NRXN1: variants seen among roughly 807,000 people sequenced by gnomAD.
The protein encoded by NRXN1 is neurexin-1.
A neutral mutation model predicts 150.9 loss-of-function variants in NRXN1; 39 were observed. The ratio of observed to expected loss-of-function variants is 0.26; its 90% CI spans 0.20 to 0.34. The LOEUF (loss-of-function observed/expected upper bound fraction) is 0.34. NRXN1 is among the 10% of genes least tolerant of loss of function. The pLI, the probability that NRXN1 is intolerant of heterozygous loss-of-function variation, is 1.00. For missense variants in NRXN1, 1,815 were observed against 1,949.9 expected (o/e 0.93, Z 1.30); for synonymous variants, 924 against 757.0 (o/e 1.22, Z -3.62).
In NRXN1 at chr2:50,552,577, A is replaced by C; in HGVS notation, c.1759+10T>G. 3 of 1,601,104 alleles carry C rather than the reference A, an allele frequency of 1.9e-6. No homozygotes were observed. The highest frequency in any genetic ancestry group is 2.6e-6 in the Non-Finnish European group (3 of 1,169,796). On this transcript the variant is annotated intron_variant, in intron 9 of 22. Coordinates refer to ENST00000401669, the MANE Select transcript of NRXN1 (RefSeq NM_001330078.2). ...AGCAGATAAACAGCATAGAAAAATGATAAGATTACCTGACCGTCCGTCTCT... is the reference window on the plus strand; with the variant it reads ...AGCAGATAAACAGCATAGAAAAATGCTAAGATTACCTGACCGTCCGTCTCT...
chr2:50,515,323 G>T (rs2092596945), intron 12 of NRXN1, among the ~76,000 whole-genome samples: 1 of 152,082 alleles, frequency 6.6e-6, no homozygotes, highest in Non-Finnish European at 1.5e-5. Context: ...TCTACCTTAT[G>T]GTGAGATGTA....
Position 50,347,867 on chromosome 2 carries a change from C to T in NRXN1, c.3365-110897G>A. 1.2e-5 allele frequency: 12 copies of T among 984,892 alleles called. No homozygotes were observed. Among genetic ancestry groups the T allele is most frequent in the Non-Finnish European group, 1.4e-5 (12 of 829,480 alleles). 61.0% of individuals were successfully genotyped at this position (984,892 alleles called of 1,614,324 possible). A position where few individuals can be genotyped will look rare whatever the true frequency, so the allele number is the denominator to read the frequency against. ...CAATGCAGAGGACGAGCCTATGTAA[C>T]GAGGGAGGCTGGTCTAGCTTCCCAC... On this transcript the variant is annotated intron_variant, in intron 17 of 22. Transcript: ENST00000401669. The surrounding 1 kb of genome is among the most constrained non-coding windows in gnomAD (Gnocchi z 4.9).
At chr2:50,846,085 C>CAGG (rs1232008571) in intron 5 of NRXN1, among the ~76,000 whole-genome samples, 2 of 152,160 alleles carry the variant, frequency 1.3e-5, no homozygotes, top group African/African-American at 4.8e-5. Flanking sequence ...GAGTAAAAGG[C>CAGG]AGGAGTAGAG....
chr2:50,101,578 A>G (rs1005657353), intron 18 of NRXN1, among the ~76,000 whole-genome samples: 9 of 152,050 alleles, frequency 5.9e-5, no homozygotes, highest in African/African-American at 2.2e-4. Flanking sequence ...TCTGCATGGC[A>G]AATGTAACCT....
chr2:50,075,171 C>G (rs1180842031), intron 19 of NRXN1, among the ~76,000 whole-genome samples: 1 of 152,186 alleles, frequency 6.6e-6, no homozygotes, highest in African/African-American at 2.4e-5. Flanking sequence ...TCTGACCTCA[C>G]AGAAGGACTT....
intron 8 of NRXN1, among the ~76,000 whole-genome samples, chr2:50,611,806 G>A (rs1461968893): frequency 6.6e-6 from 1 of 152,072 alleles, no homozygotes; most frequent in Non-Finnish European, 1.5e-5. Context: ...GGTTCACAGA[G>A]GTAACAGCTC....
At chr2:49,950,768 T>TA (rs965902638) in intron 21 of NRXN1, among the ~76,000 whole-genome samples, 11 of 151,692 alleles carry the variant, frequency 7.3e-5, no homozygotes, top group African/African-American at 2.4e-4. Context: ...AAGTGTCTGC[T>TA]AAAAAAAATA....
At chr2:50,084,299 A>T (rs946552267) in intron 19 of NRXN1, among the ~76,000 whole-genome samples, 1 of 151,830 alleles carries the variant, frequency 6.6e-6, no homozygotes, top group African/African-American at 2.4e-5. Context: ...TGGCGGGGGG[A>T]CACTGGGGAG....
intron 17 of NRXN1, among the ~76,000 whole-genome samples, chr2:50,358,431 G>C (rs977401281): frequency 6.6e-6 from 1 of 152,190 alleles, no homozygotes; most frequent in African/African-American, 2.4e-5. Context: ...TTGAGTAGGT[G>C]GTTTTCCCCT....
chr2:50,824,651 C>T (rs1258119725), intron 5 of NRXN1, among the ~76,000 whole-genome samples: 1 of 152,144 alleles, frequency 6.6e-6, no homozygotes, highest in Non-Finnish European at 1.5e-5. Flanking sequence ...CAAAGGTTAG[C>T]TCCTTGGTAA....
At chr2:49,944,524 C>A (rs570660601) in intron 21 of NRXN1, among the ~76,000 whole-genome samples, 1 of 152,130 alleles carries the variant, frequency 6.6e-6, no homozygotes, top group East Asian at 1.9e-4. Flanking sequence ...TGCTTCATTG[C>A]GCTTACAGCA....
intron 9 of NRXN1, among the ~76,000 whole-genome samples, chr2:50,547,777 A>C (rs570166171): frequency 6.6e-6 from 1 of 152,138 alleles, no homozygotes; most frequent in South Asian, 2.1e-4. Flanking sequence ...TTACTGCAGG[A>C]TCTGGAAGTG....
At chr2:50,138,369 A>C (rs1706731217) in intron 18 of NRXN1, among the ~76,000 whole-genome samples, 1 of 152,176 alleles carries the variant, frequency 6.6e-6, no homozygotes, top group African/African-American at 2.4e-5. Flanking sequence ...TTCCTACAAG[A>C]AAATAATGCA....
At chr2:50,298,572 C>A (rs930808979) in intron 17 of NRXN1, among the ~76,000 whole-genome samples, 3 of 152,014 alleles carry the variant, frequency 2.0e-5, no homozygotes, top group East Asian at 3.9e-4. Context: ...CTTAAAACAT[C>A]CATGAACCTG....
At chr2:50,140,299 T>C (rs1319743589) in intron 18 of NRXN1, among the ~76,000 whole-genome samples, 4 of 152,166 alleles carry the variant, frequency 2.6e-5, no homozygotes, top group Non-Finnish European at 4.4e-5. Flanking sequence ...CTAGACTTGC[T>C]GATTTAAACC....
At chr2:50,308,240 T>C (rs1412370635) in intron 17 of NRXN1, among the ~76,000 whole-genome samples, 4 of 152,168 alleles carry the variant, frequency 2.6e-5, no homozygotes, top group African/African-American at 7.2e-5. Flanking sequence ...GTGTATACTT[T>C]TACTAATATC....
intron 5 of NRXN1, among the ~76,000 whole-genome samples, chr2:50,844,216 A>G (rs1673296432): frequency 6.6e-6 from 1 of 152,138 alleles, no homozygotes; most frequent in Non-Finnish European, 1.5e-5. Flanking sequence ...TCCTTCCCCC[A>G]GTTCCTCACT....
Position 50,208,833 on chromosome 2 carries a change from G to A in NRXN1, c.3546+27956C>T, listed in dbSNP as rs529371309. ...TTTCAAAACGTGCTAACATTCTTGC[G>A]TTAACACATTTGATGTTAAAACATT... On this transcript the variant is annotated intron_variant, in intron 18 of 22. Coordinates refer to ENST00000401669, the MANE Select transcript of NRXN1 (RefSeq NM_001330078.2). 1.4e-4 allele frequency among the ~76,000 whole-genome samples: 21 copies of A among 152,174 alleles called. No homozygotes were observed. The South Asian group carries it at 3.9e-3, about 29-fold the overall frequency.
rs116026617 is a variant in NRXN1 at position 50,512,645 on chromosome 2, T to A, written c.2375-6028A>T. Among the ~76,000 whole-genome samples the A allele has an allele frequency of 4.1e-3, 625 of 152,318 alleles. 4 individuals carry two copies. The highest frequency in any genetic ancestry group is 0.014 in the African/African-American group (585 of 41,580). ...CTTGTTATTGGCAGGATGAAACTAA[T>A]GCCTGGGTCTTGAACTTATTTAGGA... is the stretch of plus-strand genomic sequence containing the variant. On this transcript the variant is annotated intron_variant, in intron 12 of 22. Transcript: ENST00000401669.
Sources: allele counts gnomAD v4.1 joint callset (sites outside exome capture counted in the v4.1 genomes callset), GRCh38; gene constraint gnomAD v4.1.1; non-coding constraint Gnocchi (gnomAD v3.1); transcripts MANE v1.5; gene names NCBI Gene and HGNC (gene_info 2026-07-23, HGNC 2026-07-21).